The following TBC1D2B variants were observed in gnomAD, a reference collection of about 807,000 sequenced individuals.
TBC1D2B encodes the protein TBC1 domain family, member 2B.
In TBC1D2B, 64 loss-of-function variants were observed where a neutral mutation model predicts 100.8. The observed-to-expected ratio is 0.64, with a 90% confidence interval of 0.52 to 0.78. The LOEUF is 0.78. Ranked by LOEUF, TBC1D2B falls within the 30% of genes least tolerant of loss-of-function variation. The pLI, the probability that TBC1D2B is intolerant of heterozygous loss-of-function variation, is 0.00. For synonymous variants in TBC1D2B, 480 were observed against 479.7 expected (o/e 1.00, Z -0.01); for missense variants, 1,052 against 1,218.4 (o/e 0.86, Z 2.03).
chr15:78,039,901 C>T lies in TBC1D2B; in HGVS notation c.683+4999G>A, dbSNP rs111280548. Among the ~76,000 whole-genome samples the T allele has an allele frequency of 9.2e-5, 14 of 152,288 alleles. No individual in the cohort carries two copies. In the East Asian group the frequency reaches 2.5e-3, roughly 27 times the overall value. On this transcript the variant is annotated intron_variant, in intron 3 of 12. Transcript: ENST00000300584. ...AAACCTGGGCTGACTACAATATCCA[C>T]AATGTGACCCCACTCTTGAACAGAA...
intron 6 of TBC1D2B, 76 bp downstream of exon 6, chr15:78,024,080 C>A: frequency 6.7e-7 from 1 of 1,498,658 alleles, no homozygotes; most frequent in Non-Finnish European, 8.8e-7. Context: ...ACCAAATCAG[C>A]TCACGGAGGC....
At chr15:78,011,000 C>T (rs953562066) in intron 9 of TBC1D2B, among the ~76,000 whole-genome samples, 26 of 152,182 alleles carry the variant, frequency 1.7e-4, no homozygotes, top group African/African-American at 5.1e-4. Context: ...CTCACCAGGA[C>T]CCTGAGTTTC....
At chr15:78,024,977 C>T (rs772075748) in intron 5 of TBC1D2B, among the ~76,000 whole-genome samples, 6 of 152,192 alleles carry the variant, frequency 3.9e-5, no homozygotes, top group Non-Finnish European at 7.3e-5. Flanking sequence ...GAGATTCAAC[C>T]TCAGGGGCAG....
At chr15:78,001,987 G>A (rs908739049) in intron 11 of TBC1D2B, 4 of 290,582 alleles carry the variant, frequency 1.4e-5, no homozygotes, top group African/African-American at 6.6e-5. Context: ...TCTCCTTATA[G>A]GAGATCTTTG....
At chr15:78,041,639 G>A (rs546244610) in intron 3 of TBC1D2B, among the ~76,000 whole-genome samples, 19 of 152,310 alleles carry the variant, frequency 1.2e-4, no homozygotes, top group African/African-American at 3.9e-4. Flanking sequence ...ACTAAAGTCT[G>A]TCTGTGCACC....
Position 78,012,932 on chromosome 15 carries a change from T to C in TBC1D2B, c.2161A>G (p.Asn721Asp). 1 of 1,552,712 alleles carries C rather than the reference T, an allele frequency of 6.4e-7. No homozygotes were observed. Among genetic ancestry groups the C allele is most frequent in the Non-Finnish European group, 8.7e-7 (1 of 1,147,186 alleles). The change falls in exon 9 of 13, where the codon AAC becomes GAC. Residue 721 changes from asparagine (N) to aspartate (D), a missense_variant. Physicochemically the swap from Asn to Asp is conservative, Grantham distance 23. Coordinates refer to ENST00000300584, the MANE Select transcript of TBC1D2B (RefSeq NM_144572.2). ...GAGGTGGGGCAGGAGTAATGTTTGT[T>C]GTTGGGCAGAGTTCGCAGCAAGTCC... is the stretch of plus-strand genomic sequence containing the variant. ...ELDLLRTLPN[N>D]KHYSCPTSEG...
At chr15:78,034,630 A>G in intron 3 of TBC1D2B, 1 of 971,228 alleles carries the variant, frequency 1.0e-6, no homozygotes, top group South Asian at 4.8e-5. Context: ...CCTTCCTCCC[A>G]CCGCGGTTTT....
intron 1 of TBC1D2B, among the ~76,000 whole-genome samples, chr15:78,075,499 A>G (rs1348333114): frequency 6.6e-6 from 1 of 152,224 alleles, no homozygotes; most frequent in African/African-American, 2.4e-5. Context: ...TTTTAATGAA[A>G]AAAACTGATA....
rs149040157 is a variant in TBC1D2B at position 78,029,460 on chromosome 15, G to T, written c.847+547C>A. ...AATTAAATAATATTAAGGATTTATT[G>T]TAACTATAAATATAATAAAGAAGTT... is the stretch of plus-strand genomic sequence containing the variant. On this transcript the variant is annotated intron_variant, in intron 4 of 12. Transcript: ENST00000300584. Among the ~76,000 whole-genome samples the T allele has an allele frequency of 9.8e-3, 1,494 of 152,260 alleles. 12 individuals carry two copies. Among genetic ancestry groups the T allele is most frequent in the Middle Eastern group, 0.065 (19 of 294 alleles).
intron 4 of TBC1D2B, among the ~76,000 whole-genome samples, 175 bp downstream of exon 4, chr15:78,029,832 T>C (rs1374378406): frequency 6.6e-6 from 1 of 152,270 alleles, no homozygotes; most frequent in Non-Finnish European, 1.5e-5. Flanking sequence ...TTATTTCTTA[T>C]AACGTTTATT....
chr15:78,046,445 T>C (rs1014976252), intron 2 of TBC1D2B, among the ~76,000 whole-genome samples: 6 of 152,220 alleles, frequency 3.9e-5, no homozygotes, highest in Non-Finnish European at 5.9e-5. Context: ...CAACCATCTC[T>C]TTCTGTGAAA....
In TBC1D2B at chr15:77,997,009, C is replaced by A. The variant is rs1281401854; in HGVS notation, c.*1151G>T. On this transcript the variant is annotated 3_prime_UTR_variant, in exon 13 of 13. Transcript: ENST00000300584. Reference sequence around the variant, plus strand: ...TCAGAGGCAACAGTGCCCCTGCATCCTGGCAGAGAACAAGGATGTTCCAGG... The same window carrying A: ...TCAGAGGCAACAGTGCCCCTGCATCATGGCAGAGAACAAGGATGTTCCAGG... The A allele has an allele frequency of 6.6e-6, 1 of 151,828 alleles. No individual in the cohort carries two copies. Among genetic ancestry groups the A allele is most frequent in the Non-Finnish European group, 1.5e-5 (1 of 68,018 alleles). The allele number at this position is 151,828 out of a possible 1,614,324, so 9.4% of individuals were successfully genotyped here.
rs2073268860 is a variant in TBC1D2B, at chr15:78,049,609, C to T, written c.514+4425G>A. ...CTGTTCTCCTGCAATCTGGCTCAGC[C>T]ACCACCCCACCCCCATTCACAGCCA... On this transcript the variant is annotated intron_variant, in intron 2 of 12. Transcript: ENST00000300584. Among the ~76,000 whole-genome samples, 4 of 152,150 alleles carry T rather than the reference C, an allele frequency of 2.6e-5. No homozygotes were observed. The South Asian group carries it at 8.3e-4, about 32-fold the overall frequency.
chr15:78,042,397 C>A lies in TBC1D2B; in HGVS notation c.683+2503G>T, dbSNP rs147514966. On this transcript the variant is annotated intron_variant, in intron 3 of 12. Coordinates refer to ENST00000300584, the MANE Select transcript of TBC1D2B (RefSeq NM_144572.2). The stretch of plus-strand genomic sequence containing the variant: ...TTAGGAGACCTGGGTGTGTGTTCAG[C>A]TCGGCCACACACTTGCTATGTGATC... Among the ~76,000 whole-genome samples the A allele has an allele frequency of 5.9e-5, 9 of 152,304 alleles. 1 individual carries two copies. The East Asian group carries it at 1.7e-3, about 29-fold the overall frequency.
rs1184669289 is a variant in TBC1D2B at position 78,001,651 on chromosome 15, G to T, written c.2664C>A (p.Leu888=). The T allele has an allele frequency of 1.2e-6, 2 of 1,608,912 alleles. No homozygotes were observed. Among genetic ancestry groups the T allele is most frequent in the Admixed American group, 3.4e-5 (2 of 59,376 alleles). ...CAAGGATAGTGCGAGTGAAGTAGCG[G>T]AGATACTTAAATATAGACATCGAAT... ...LQDSMSIFKY[L]RYFTRTILDA... Residue 888 remains leucine (L), a synonymous_variant, in exon 12 of 13, where the codon CTC becomes CTA. Transcript: ENST00000300584.
intron 2 of TBC1D2B, among the ~76,000 whole-genome samples, chr15:78,049,639 A>T (rs1425524858): frequency 2.0e-5 from 3 of 151,828 alleles, no homozygotes; most frequent in African/African-American, 7.3e-5. Context: ...CAGCCACATC[A>T]ATCCCTGTAT....
At chr15:78,042,692 TG>T (rs1401252391) in intron 3 of TBC1D2B, among the ~76,000 whole-genome samples, 2 of 152,100 alleles carry the variant, frequency 1.3e-5, no homozygotes, top group African/African-American at 2.4e-5. Flanking sequence ...GACAGGCACA[TG>T]GTGAGCAGAG....
intron 2 of TBC1D2B, among the ~76,000 whole-genome samples, chr15:78,046,970 T>C (rs947909280): frequency 6.6e-6 from 1 of 152,090 alleles, no homozygotes; most frequent in Non-Finnish European, 1.5e-5. Context: ...ACAATCAGTG[T>C]AGGAAGGGCT....
At chr15:78,033,299 T>C (rs2072863022) in intron 3 of TBC1D2B, among the ~76,000 whole-genome samples, 1 of 152,190 alleles carries the variant, frequency 6.6e-6, no homozygotes, top group Non-Finnish European at 1.5e-5. Flanking sequence ...TTCTCTTACT[T>C]AATAGACCCA....
Sources: allele counts gnomAD v4.1 joint callset (sites outside exome capture counted in the v4.1 genomes callset), GRCh38; gene constraint gnomAD v4.1.1; transcripts MANE v1.5; gene names NCBI Gene and HGNC (gene_info 2026-07-23, HGNC 2026-07-21).